FAT3: variants seen among roughly 807,000 people sequenced by gnomAD.
FAT3 encodes FAT atypical cadherin 3.
Under a neutral mutation model 310.2 loss-of-function variants are expected in FAT3, and 95 were observed. That is an observed-to-expected ratio of 0.31 (90% CI 0.26 to 0.36). The LOEUF is 0.36. FAT3 is among the 10% of genes least tolerant of loss of function. The pLI, the probability that FAT3 is intolerant of heterozygous loss-of-function variation, is 1.00. For synonymous variants in FAT3, 2,314 were observed against 2,192.9 expected, an observed-to-expected ratio of 1.06 and a Z score of -1.54; for missense variants, 5,408 against 5,715.6, an observed-to-expected ratio of 0.95 and a Z score of 1.74.
intron 2 of FAT3, among the ~76,000 whole-genome samples, chr11:92,408,459 C>A (rs1950182409): frequency 1.3e-5 from 2 of 152,176 alleles, no homozygotes. Flanking sequence ...GCTCTCCGAG[C>A]CTTAGTTCCC....
chr11:92,439,069 G>C (rs1353627496), intron 2 of FAT3, among the ~76,000 whole-genome samples: 1 of 152,192 alleles, frequency 6.6e-6, no homozygotes, highest in East Asian at 1.9e-4. Context: ...GACTATGGGA[G>C]AGGCTTACTT....
At chr11:92,602,126 T>C (rs182266421) in intron 3 of FAT3, among the ~76,000 whole-genome samples, 11 of 151,964 alleles carry the variant, frequency 7.2e-5, no homozygotes, top group Non-Finnish European at 1.2e-4. Context: ...CAGGCCAGAG[T>C]GCAATGGCGC....
intron 1 of FAT3, among the ~76,000 whole-genome samples, chr11:92,336,863 G>T (rs548650426): frequency 5.8e-4 from 89 of 152,182 alleles, no homozygotes; most frequent in African/African-American, 2.0e-3. Flanking sequence ...GTGAGAGGAT[G>T]GCAAATAAGC....
chr11:92,800,014 C>T lies in FAT3; in HGVS notation c.7001C>T (p.Thr2334Ile). ...YQIVQDTYNS[T>I]DYFHIDSSSG... ...ATTGTCCAGGATACCTACAATAGCA[C>T]AGATTATTTTCACATAGATAGCTCA... The change falls in exon 10 of 28, where the codon ACA (threonine) becomes ATA (isoleucine). Residue 2334 changes from threonine to isoleucine, a missense_variant. By Grantham distance (89) the Thr-to-Ile change is moderately conservative. This residue lies in a region of FAT3 where 4,588 missense variants were observed against 4,809.8 expected (regional missense o/e 0.95). Transcript: ENST00000525166. 6.2e-7 allele frequency: 1 copy of T among 1,613,890 alleles called. No individual in the cohort carries two copies. The highest frequency in any genetic ancestry group is 1.1e-5 in the South Asian group (1 of 91,078).
intron 1 of FAT3, among the ~76,000 whole-genome samples, chr11:92,260,047 C>G (rs1382955388): frequency 2.0e-5 from 3 of 152,278 alleles, no homozygotes; most frequent in South Asian, 4.1e-4. Context: ...GAAAGTGAAG[C>G]TGAAGAGCTT....
intron 1 of FAT3, among the ~76,000 whole-genome samples, chr11:92,231,824 T>C (rs1284273288): frequency 1.3e-5 from 2 of 151,074 alleles, no homozygotes; most frequent in Non-Finnish European, 2.9e-5. Context: ...TTTTGTCAGA[T>C]AAATTCTATG....
intron 3 of FAT3, among the ~76,000 whole-genome samples, chr11:92,562,178 A>G (rs1191489758): frequency 1.3e-5 from 2 of 152,160 alleles, no homozygotes; most frequent in Non-Finnish European, 1.5e-5. Context: ...CAGTTTTTAC[A>G]TATATGAATC....
chr11:92,804,354 G>A (rs549628224), intron 10 of FAT3, among the ~76,000 whole-genome samples: 36 of 151,744 alleles, frequency 2.4e-4, no homozygotes, highest in Admixed American at 2.2e-3. Flanking sequence ...CCCTTCTTAC[G>A]GATTACATCA....
chr11:92,684,531 C>T (rs1467909013), intron 3 of FAT3, among the ~76,000 whole-genome samples: 1 of 152,182 alleles, frequency 6.6e-6, no homozygotes, highest in Non-Finnish European at 1.5e-5. Flanking sequence ...TCTTCCACTT[C>T]TACCAAGGGA....
chr11:92,307,298 T>A (rs894674615), intron 1 of FAT3, among the ~76,000 whole-genome samples: 2 of 150,514 alleles, frequency 1.3e-5, no homozygotes. Flanking sequence ...GAAAACAACA[T>A]CATGTTGAAG....
At position 92,891,371 on chromosome 11, in the gene FAT3, C is replaced by A. The variant is rs978867881; in HGVS notation, c.*258C>A. The stretch of plus-strand genomic sequence containing the variant: ...GTACCTATGTTCACAGCTAAAAATG[C>A]AAAGAGGGAAAAATTATTTCACCCA... On this transcript the variant is annotated 3_prime_UTR_variant, in exon 28 of 28. Transcript: ENST00000525166. 7.8e-6 allele frequency: 4 copies of A among 513,390 alleles called. No individual in the cohort carries two copies. Among genetic ancestry groups the A allele is most frequent in the Non-Finnish European group, 1.4e-5 (4 of 285,970 alleles). 31.8% of individuals were successfully genotyped at this position (513,390 alleles called of 1,614,324 possible). A position where few individuals can be genotyped will look rare whatever the true frequency, so the allele number is the denominator to read the frequency against.
At chr11:92,763,827 G>T (rs888407411) in intron 5 of FAT3, among the ~76,000 whole-genome samples, 4 of 152,190 alleles carry the variant, frequency 2.6e-5, no homozygotes, top group African/African-American at 9.6e-5. Flanking sequence ...TCAAATGCCT[G>T]TCTTAGCTCC....
intron 2 of FAT3, among the ~76,000 whole-genome samples, chr11:92,373,615 C>G (rs11019937): frequency 6.6e-6 from 1 of 151,698 alleles, no homozygotes; most frequent in Admixed American, 6.6e-5. Flanking sequence ...ATAGTATATA[C>G]TGTTATAATG....
At chr11:92,689,362 G>A (rs1205493158) in intron 3 of FAT3, among the ~76,000 whole-genome samples, 1 of 152,148 alleles carries the variant, frequency 6.6e-6, no homozygotes, top group Non-Finnish European at 1.5e-5. Flanking sequence ...AAGGGAAAGG[G>A]GGAGAAGTGC....
intron 1 of FAT3, among the ~76,000 whole-genome samples, chr11:92,324,453 C>T (rs1167261221): frequency 6.6e-6 from 1 of 152,014 alleles, no homozygotes; most frequent in Non-Finnish European, 1.5e-5. Context: ...AATAGGGAGG[C>T]CCGAGGAGAG....
chr11:92,721,845 A>C (rs903745811), intron 4 of FAT3, among the ~76,000 whole-genome samples: 1 of 152,152 alleles, frequency 6.6e-6, no homozygotes, highest in East Asian at 1.9e-4. Context: ...GAGCTTGTGC[A>C]GGGAAACTCC....
chr11:92,514,131 TAAAAC>T (rs1356568129), intron 2 of FAT3, among the ~76,000 whole-genome samples: 2 of 152,188 alleles, frequency 1.3e-5, no homozygotes, highest in Admixed American at 6.6e-5. Flanking sequence ...AAAAATTAAT[TAAAAC>T]AAATATGTGT....
chr11:92,422,644 T>C (rs952193454), intron 2 of FAT3, among the ~76,000 whole-genome samples: 1 of 151,972 alleles, frequency 6.6e-6, no homozygotes, highest in African/African-American at 2.4e-5. Flanking sequence ...GGTGTATAAG[T>C]GTCTATAAAT....
chr11:92,269,427 T>C (rs1327787385), intron 1 of FAT3, among the ~76,000 whole-genome samples: 7 of 152,138 alleles, frequency 4.6e-5, no homozygotes, highest in Non-Finnish European at 8.8e-5. Flanking sequence ...AATTATCCTA[T>C]TGATTTAGTT....
Sources: gnomAD v4.1 joint callset for allele counts (sites outside exome capture counted in the v4.1 genomes callset) on GRCh38, gnomAD v4.1.1 for gene constraint, gnomAD v4.1.1 regional missense constraint, MANE v1.5 for transcripts, NCBI Gene and HGNC (gene_info 2026-07-23, HGNC 2026-07-21) for gene names.